GCNT2: variants seen among roughly 807,000 people sequenced by gnomAD.
The protein encoded by GCNT2 is N-acetyllactosaminide beta-1,6-N-acetylglucosaminyl-transferase.
In GCNT2, 34 loss-of-function variants were observed where a neutral mutation model predicts 34.2. The ratio of observed to expected loss-of-function variants is 1.00; its 90% CI spans 0.76 to 1.32. GCNT2 has a LOEUF of 1.32. Among genes scored for constraint, GCNT2 ranks in the 40% most tolerant of loss-of-function variants. The pLI, the probability that GCNT2 is intolerant of heterozygous loss-of-function variation, is 0.00. For synonymous variants in GCNT2, 212 were observed against 188.0 expected, an observed-to-expected ratio of 1.13 and a Z score of -1.04; for missense variants, 584 against 489.4, an observed-to-expected ratio of 1.19 and a Z score of -1.82.
At chr6:10,538,433 A>ATACATAT (rs1429143776) in intron 3 of GCNT2, among the ~76,000 whole-genome samples, 1 of 118,950 alleles carries the variant, frequency 8.4e-6, no homozygotes, top group African/African-American at 5.0e-5. Flanking sequence ...AAAAAAAAAA[A>ATACATAT]AAAAATATAT....
intron 3 of GCNT2, among the ~76,000 whole-genome samples, chr6:10,582,637 G>A (rs961537577): frequency 7.1e-6 from 1 of 141,506 alleles, no homozygotes; most frequent in African/African-American, 2.6e-5. Context: ...TTTTCCCATG[G>A]GCTAAAGGGG....
chr6:10,578,056 T>G (rs1170912245), intron 3 of GCNT2, among the ~76,000 whole-genome samples: 1 of 152,106 alleles, frequency 6.6e-6, no homozygotes, highest in Non-Finnish European at 1.5e-5. Flanking sequence ...AAATATCTGT[T>G]GGGTACCTCT....
intron 3 of GCNT2, among the ~76,000 whole-genome samples, chr6:10,543,814 G>GA (rs1329954807): frequency 6.6e-6 from 1 of 152,176 alleles, no homozygotes; most frequent in Non-Finnish European, 1.5e-5. Flanking sequence ...AGGACACTGA[G>GA]ATATGGAGTC....
intron 3 of GCNT2, among the ~76,000 whole-genome samples, chr6:10,611,148 G>T (rs560558696): frequency 6.6e-6 from 1 of 151,736 alleles, no homozygotes; most frequent in African/African-American, 2.4e-5. Context: ...ACTTTGGGAG[G>T]CCAAGGTGGG....
At chr6:10,557,116 C>G (rs1474521577) in intron 3 of GCNT2, 2 of 1,559,840 alleles carry the variant, frequency 1.3e-6, no homozygotes, top group Non-Finnish European at 1.7e-6. Flanking sequence ...AATATGTCCA[C>G]CAAGAGCACC....
intron 3 of GCNT2, among the ~76,000 whole-genome samples, chr6:10,584,589 A>G (rs1764260595): frequency 6.6e-6 from 1 of 152,182 alleles, no homozygotes; most frequent in South Asian, 2.1e-4. Context: ...GGAAACCTGG[A>G]CAATACCCAG....
chr6:10,544,820 C>T (rs1762196684), intron 3 of GCNT2, among the ~76,000 whole-genome samples: 1 of 151,516 alleles, frequency 6.6e-6, no homozygotes, highest in African/African-American at 2.4e-5. Flanking sequence ...TGGCAGGCAC[C>T]TGTAATCTGA....
intron 3 of GCNT2, among the ~76,000 whole-genome samples, chr6:10,617,376 C>G (rs891472709): frequency 2.6e-5 from 4 of 152,166 alleles, no homozygotes; most frequent in African/African-American, 9.6e-5. Context: ...GCGCGCAGCC[C>G]TGGTTCCCGC....
chr6:10,595,163 G>A (rs1294644426), intron 3 of GCNT2, among the ~76,000 whole-genome samples: 1 of 152,128 alleles, frequency 6.6e-6, no homozygotes, highest in African/African-American at 2.4e-5. Context: ...TATGAAATGT[G>A]TATTATCCAT....
At chr6:10,530,396 A>G (rs1373772042) in intron 3 of GCNT2, 3 of 153,024 alleles carry the variant, frequency 2.0e-5, no homozygotes, top group African/African-American at 7.2e-5. Context: ...TGTAAACCTT[A>G]TTCTCCTTTA....
At chr6:10,586,614 G>A in intron 3 of GCNT2, 1 of 1,614,156 alleles carries the variant, frequency 6.2e-7, no homozygotes, top group Non-Finnish European at 8.5e-7. Context: ...GCATCTGAAA[G>A]GATTTAAAGG....
intron 3 of GCNT2, chr6:10,556,609 C>A: frequency 6.2e-7 from 1 of 1,614,146 alleles, no homozygotes; most frequent in South Asian, 1.1e-5. Context: ...TGTGGAAAAA[C>A]AAACTAATGA....
chr6:10,563,889 CAT>C (rs1354610988), intron 3 of GCNT2, among the ~76,000 whole-genome samples: 5 of 148,190 alleles, frequency 3.4e-5, no homozygotes, highest in Admixed American at 6.8e-5. Context: ...GGAGGTAGCA[CAT>C]GTTATCCGCT....
At chr6:10,620,065 TG>T (rs1765965944) in intron 3 of GCNT2, among the ~76,000 whole-genome samples, 1 of 152,252 alleles carries the variant, frequency 6.6e-6, no homozygotes, top group Non-Finnish European at 1.5e-5. Flanking sequence ...TAAGGTCAGC[TG>T]ATCAGCAACT....
intron 3 of GCNT2, among the ~76,000 whole-genome samples, chr6:10,596,799 C>T (rs1237059537): frequency 6.6e-6 from 1 of 151,546 alleles, no homozygotes. Context: ...TGATATTTTG[C>T]CTTCAGCCAA....
chr6:10,543,565 G>T, intron 3 of GCNT2, among the ~76,000 whole-genome samples: 1 of 152,168 alleles, frequency 6.6e-6, no homozygotes. Context: ...CATCTTGCAT[G>T]CCCACCATCA....
intron 3 of GCNT2, among the ~76,000 whole-genome samples, chr6:10,561,717 T>C (rs1762993496): frequency 1.3e-5 from 2 of 152,222 alleles, no homozygotes; most frequent in Non-Finnish European, 1.5e-5. Context: ...TTGGAGTCTT[T>C]GCTCATTCAT....
rs745931655 is a variant in GCNT2 at position 10,529,611 on chromosome 6, C to G, written c.700C>G (p.Gln234Glu). 3.7e-6 allele frequency: 6 copies of G among 1,613,950 alleles called. No individual in the cohort carries two copies. The highest frequency in any genetic ancestry group is 2.2e-5 in the East Asian group (1 of 44,896). Reference sequence around the variant, plus strand: ...TGTTGGACGGACTAAATACGTCCACCAAGAACTGTTAAACCACAAAAATTC... The same window carrying G: ...TGTTGGACGGACTAAATACGTCCACGAAGAACTGTTAAACCACAAAAATTC... ...HAVGRTKYVH[Q>E]ELLNHKNSYV... is the part of the protein sequence containing the mutation. Residue 234 changes from glutamine (Q) to glutamate (E), a missense_variant, in exon 3 of 5, where the codon CAA (glutamine) becomes GAA (glutamate). Gln to Glu is a conservative substitution (Grantham distance 29). Coordinates refer to ENST00000495262, the MANE Select transcript of GCNT2 (RefSeq NM_145649.5).
In GCNT2 at chr6:10,529,378, A is replaced by G; in HGVS notation, c.467A>G (p.Lys156Arg). The change falls in exon 3 of 5, where the codon AAG (lysine) becomes AGG (arginine). Residue 156 changes from lysine to arginine, a missense_variant. By Grantham distance (26) the Lys-to-Arg change is conservative. Coordinates refer to ENST00000495262, the MANE Select transcript of GCNT2 (RefSeq NM_145649.5). The part of the protein sequence containing the change: ...CFPNAFLASK[K>R]ESVVYGGISR... ...CCAAATGCTTTTCTGGCTTCCAAGA[A>G]GGAGTCGGTTGTCTATGGGGGGATC... 3 of 1,614,138 alleles carry G rather than the reference A, an allele frequency of 1.9e-6. No homozygotes were observed. Among genetic ancestry groups the G allele is most frequent in the Non-Finnish European group, 2.5e-6 (3 of 1,180,026 alleles).
Sources: gnomAD v4.1 joint callset for allele counts (sites outside exome capture counted in the v4.1 genomes callset) on GRCh38, gnomAD v4.1.1 for gene constraint, MANE v1.5 for transcripts, NCBI Gene and HGNC (gene_info 2026-07-23, HGNC 2026-07-21) for gene names.